The following MYRIP variants were observed in gnomAD, a reference collection of about 807,000 sequenced individuals.
The protein encoded by MYRIP is myosin VIIA and Rab interacting protein.
MYRIP carries 49 observed loss-of-function variants against 98.0 expected under a neutral mutation model. That is an observed-to-expected ratio of 0.50 (90% CI 0.40 to 0.63). The LOEUF (loss-of-function observed/expected upper bound fraction) is 0.63. MYRIP is among the 30% of genes least tolerant of loss of function. The pLI, the probability that MYRIP is intolerant of heterozygous loss-of-function variation, is 0.00. For synonymous variants in MYRIP, 404 were observed against 409.5 expected (o/e 0.99, Z 0.16); for missense variants, 1,004 against 1,058.2 (o/e 0.95, Z 0.71).
chr3:40,096,422 G>C (rs1039498811), intron 3 of MYRIP, among the ~76,000 whole-genome samples: 1 of 152,144 alleles, frequency 6.6e-6, no homozygotes, highest in Non-Finnish European at 1.5e-5. Flanking sequence ...GTGCTGTGAG[G>C]ATAAAGTCAA....
intron 2 of MYRIP, among the ~76,000 whole-genome samples, chr3:39,953,319 AG>A (rs1421629939): frequency 2.0e-5 from 3 of 152,208 alleles, no homozygotes; most frequent in Non-Finnish European, 4.4e-5. Flanking sequence ...GTCTGTTTCC[AG>A]GGTCTTGAAA....
At chr3:40,089,874 G>T (rs999813277) in intron 3 of MYRIP, among the ~76,000 whole-genome samples, 2 of 152,064 alleles carry the variant, frequency 1.3e-5, no homozygotes, top group Non-Finnish European at 2.9e-5. Flanking sequence ...TTAGGCCAAG[G>T]TAAATGTGGA....
At chr3:40,101,240 T>C (rs1312410951) in intron 3 of MYRIP, among the ~76,000 whole-genome samples, 1 of 152,208 alleles carries the variant, frequency 6.6e-6, no homozygotes, top group Non-Finnish European at 1.5e-5. Flanking sequence ...TTACATCAGT[T>C]TTCTGTGTTT....
At chr3:40,032,599 A>T (rs1003595459) in intron 2 of MYRIP, among the ~76,000 whole-genome samples, 5 of 152,176 alleles carry the variant, frequency 3.3e-5, no homozygotes, top group Non-Finnish European at 5.9e-5. Flanking sequence ...AACCAAAAAG[A>T]GTCCAGGACA....
intron 3 of MYRIP, among the ~76,000 whole-genome samples, chr3:40,117,771 C>T (rs906128710): frequency 1.3e-5 from 2 of 152,164 alleles, no homozygotes; most frequent in African/African-American, 4.8e-5. Flanking sequence ...CTCTTACCCT[C>T]TACCTGACAT....
chr3:39,928,565 T>C (rs1218912374), intron 2 of MYRIP, among the ~76,000 whole-genome samples: 1 of 150,768 alleles, frequency 6.6e-6, no homozygotes, highest in Non-Finnish European at 1.5e-5. Flanking sequence ...ATTGAAAGAG[T>C]AATTAAGAAA....
At chr3:40,127,072 G>T (rs1178273450) in intron 3 of MYRIP, among the ~76,000 whole-genome samples, 1 of 152,140 alleles carries the variant, frequency 6.6e-6, no homozygotes, top group African/African-American at 2.4e-5. Context: ...TCCTCCTACT[G>T]CCCCTATATG....
At chr3:40,063,743 T>C (rs1326132846) in intron 3 of MYRIP, among the ~76,000 whole-genome samples, 1 of 152,224 alleles carries the variant, frequency 6.6e-6, no homozygotes, top group African/African-American at 2.4e-5. Context: ...ACTGGTTCAC[T>C]CTTTCAGCAA....
intron 10 of MYRIP, among the ~76,000 whole-genome samples, chr3:40,196,010 T>C (rs1043743363): frequency 3.3e-5 from 5 of 152,134 alleles, no homozygotes; most frequent in Non-Finnish European, 5.9e-5. Context: ...AATGTATTGA[T>C]ATTATACCTA....
rs534948877 is a variant in MYRIP at position 39,878,242 on chromosome 3, G to A, written c.-30-22545G>A. 4.2e-4 allele frequency among the ~76,000 whole-genome samples: 64 copies of A among 152,324 alleles called. 3 individuals carry two copies. The highest frequency in any genetic ancestry group is 1.5e-3 in the African/African-American group (61 of 41,580). On this transcript the variant is annotated intron_variant, in intron 1 of 16. Coordinates refer to ENST00000302541, the MANE Select transcript of MYRIP (RefSeq NM_015460.4). ...GGAGTGACCCGATTTTCCAGGTGCT[G>A]TCTGTCACCCCTTTCTTTGACTAGG...
chr3:40,021,202 A>C (rs1946987605), intron 2 of MYRIP, among the ~76,000 whole-genome samples: 1 of 152,162 alleles, frequency 6.6e-6, no homozygotes, highest in African/African-American at 2.4e-5. Context: ...ATTTTTTGAT[A>C]GTTTTTGTAC....
At chr3:40,191,828 A>C (rs1355130500) in intron 10 of MYRIP, among the ~76,000 whole-genome samples, 1 of 152,214 alleles carries the variant, frequency 6.6e-6, no homozygotes. Flanking sequence ...ACTGTTGTCC[A>C]GAAACATGGA....
chr3:39,865,231 A>C (rs1322209953), intron 1 of MYRIP, among the ~76,000 whole-genome samples: 1 of 152,186 alleles, frequency 6.6e-6, no homozygotes, highest in African/African-American at 2.4e-5. Flanking sequence ...ACCATTCCAC[A>C]TGTATAACCT....
chr3:40,175,634 C>A lies in MYRIP; in HGVS notation c.873+5541C>A, dbSNP rs540223756. Among the ~76,000 whole-genome samples, 30 of 152,342 alleles carry A rather than the reference C, an allele frequency of 2.0e-4. No individual in the cohort carries two copies. In the East Asian group the frequency reaches 5.8e-3, roughly 29 times the overall value. On this transcript the variant is annotated intron_variant, in intron 8 of 16. Transcript: ENST00000302541. The stretch of plus-strand genomic sequence containing the variant: ...CATAGCAGGGCCAGCCTGGTGCCCC[C>A]CAGGGGTGACACATATGGTAGACAG...
chr3:39,883,738 TA>T lies in MYRIP; in HGVS notation c.-30-17042del, dbSNP rs1943216195. Among the ~76,000 whole-genome samples the T allele has an allele frequency of 2.6e-5, 4 of 151,664 alleles. No homozygotes were observed. The South Asian group carries it at 8.3e-4, about 32-fold the overall frequency. The stretch of plus-strand genomic sequence containing the variant: ...TTAATATACATGAAGAGAAAATAAA[TA>T]AAAAAAGAATTTCTTATCTAGGTCA... On this transcript the variant is annotated intron_variant, in intron 1 of 16. Coordinates refer to ENST00000302541, the MANE Select transcript of MYRIP (RefSeq NM_015460.4).
intron 3 of MYRIP, among the ~76,000 whole-genome samples, chr3:40,111,169 CCCT>C (rs1361128836): frequency 2.0e-5 from 3 of 152,004 alleles, no homozygotes; most frequent in Non-Finnish European, 4.4e-5. Flanking sequence ...CAGACAAGCC[CCCT>C]CCTCATCATT....
chr3:39,898,261 G>A (rs534555159), intron 1 of MYRIP, among the ~76,000 whole-genome samples: 1 of 152,148 alleles, frequency 6.6e-6, no homozygotes, highest in African/African-American at 2.4e-5. Context: ...CATTAATGGA[G>A]TGAAAAATAA....
At chr3:40,052,067 A>G (rs1311290935) in intron 3 of MYRIP, among the ~76,000 whole-genome samples, 1 of 152,094 alleles carries the variant, frequency 6.6e-6, no homozygotes. Context: ...GCTATTTTGA[A>G]ATATACAATA....
At chr3:40,230,895 A>T (rs1461119275) in intron 11 of MYRIP, among the ~76,000 whole-genome samples, 1 of 149,882 alleles carries the variant, frequency 6.7e-6, no homozygotes, top group East Asian at 2.0e-4. Context: ...GGCGGGTCTC[A>T]GCTCACTGCA....
Sources: allele counts gnomAD v4.1 joint callset (sites outside exome capture counted in the v4.1 genomes callset), GRCh38; gene constraint gnomAD v4.1.1; transcripts MANE v1.5; gene names NCBI Gene and HGNC (gene_info 2026-07-23, HGNC 2026-07-21).